The following ANKRD36C variants were observed in gnomAD, a reference collection of about 807,000 sequenced individuals.
ANKRD36C encodes the protein ankyrin repeat domain 36C, also known as ankyrin repeat domain-containing protein 36C.
Under a neutral mutation model 276.4 loss-of-function variants are expected in ANKRD36C, and 61 were observed. The observed-to-expected ratio is 0.22, with a 90% CI of 0.18 to 0.27. ANKRD36C has a LOEUF of 0.27. ANKRD36C is among the 10% of genes least tolerant of loss of function. ANKRD36C has a pLI of 1.00. For synonymous variants in ANKRD36C, 483 were observed against 680.1 expected, an observed-to-expected ratio of 0.71 and a Z score of 4.51; for missense variants, 1,447 against 2,032.3, an observed-to-expected ratio of 0.71 and a Z score of 5.54.
chr2:95,918,289 T>C (rs1467669844), intron 34 of ANKRD36C, among the ~76,000 whole-genome samples: 2 of 151,570 alleles, frequency 1.3e-5, no homozygotes, highest in Non-Finnish European at 3.0e-5. Context: ...AAAACTAAAA[T>C]AAAACCGTGT....
At chr2:95,896,266 T>C (rs1454523592) in intron 44 of ANKRD36C, among the ~76,000 whole-genome samples, 1 of 149,726 alleles carries the variant, frequency 6.7e-6, no homozygotes, top group Non-Finnish European at 1.5e-5. Context: ...AAGGATAATA[T>C]ATTAGCCTCA....
intron 24 of ANKRD36C, among the ~76,000 whole-genome samples, chr2:95,934,461 G>A (rs1215236868): frequency 1.3e-5 from 2 of 151,872 alleles, no homozygotes; most frequent in South Asian, 2.1e-4. Flanking sequence ...GCAAAGACAC[G>A]GATGAAGCCT....
chr2:95,963,972 A>AATAAATATATAT (rs1678521503), intron 6 of ANKRD36C, among the ~76,000 whole-genome samples: 3 of 48,992 alleles, frequency 6.1e-5, no homozygotes, highest in Non-Finnish European at 1.1e-4. Context: ...TATATATATA[A>AATAAATATATAT]ATATATATAT....
intron 59 of ANKRD36C, among the ~76,000 whole-genome samples, chr2:95,871,612 T>C (rs1242232636): frequency 6.6e-6 from 1 of 151,506 alleles, no homozygotes; most frequent in African/African-American, 2.4e-5. Flanking sequence ...CATTAACTAA[T>C]GAGCAAAATA....
chr2:95,980,765 A>G (rs1678899168), exon 5 of ANKRD36C: 2 of 1,598,748 alleles, frequency 1.3e-6, no homozygotes, highest in Non-Finnish European at 1.7e-6. Context: ...TCCAAGAGTA[A>G]CAGCATGTAT....
intron 1 of ANKRD36C, among the ~76,000 whole-genome samples, chr2:95,991,104 A>T (rs1420224991): frequency 6.7e-6 from 1 of 148,522 alleles, no homozygotes; most frequent in Non-Finnish European, 1.5e-5. Flanking sequence ...CCCTTTGGTG[A>T]CAGGACTCGC....
At chr2:95,866,062 G>A (rs1360960287) in intron 60 of ANKRD36C, among the ~76,000 whole-genome samples, 2 of 152,142 alleles carry the variant, frequency 1.3e-5, no homozygotes, top group African/African-American at 4.8e-5. Context: ...AACATGTGGT[G>A]TTGGAACAAT....
At chr2:95,893,601 G>C (rs1447780682) in intron 44 of ANKRD36C, 2 of 1,582,696 alleles carry the variant, frequency 1.3e-6, no homozygotes, top group Non-Finnish European at 1.7e-6. Context: ...CTCGTCACCT[G>C]TAGCCTGAAT....
At chr2:95,985,987 C>A (rs575137460) in intron 3 of ANKRD36C, among the ~76,000 whole-genome samples, 12 of 152,184 alleles carry the variant, frequency 7.9e-5, no homozygotes, top group Non-Finnish European at 1.5e-4. Flanking sequence ...CTTCTCTCTG[C>A]TGAACTGTGT....
At chr2:95,910,835 C>T (rs558343421) in intron 42 of ANKRD36C, among the ~76,000 whole-genome samples, 105 of 151,532 alleles carry the variant, frequency 6.9e-4, no homozygotes, top group African/African-American at 1.6e-3. Context: ...TCAATCTCAA[C>T]GTGCATAGGC....
At chr2:95,963,976 T>TAA (rs1291189711) in intron 6 of ANKRD36C, among the ~76,000 whole-genome samples, 58 of 27,582 alleles carry the variant, frequency 2.1e-3, no homozygotes, top group African/African-American at 9.7e-3. Context: ...TATATAAATA[T>TAA]ATATATATAT....
chr2:95,902,431 G>A (rs1327992331), intron 42 of ANKRD36C, among the ~76,000 whole-genome samples: 57 of 148,118 alleles, frequency 3.8e-4, no homozygotes, highest in East Asian at 1.6e-3. Flanking sequence ...CTCACAATCC[G>A]TCTCCCTTAG....
exon 42 of ANKRD36C, chr2:95,912,255 G>A (rs771286571): frequency 5.3e-5 from 82 of 1,550,438 alleles, no homozygotes; most frequent in Admixed American, 9.7e-5. Flanking sequence ...TGTCCTAGAT[G>A]TTTCTCCATC....
At chr2:95,892,717 T>C (rs1318506963) in intron 44 of ANKRD36C, among the ~76,000 whole-genome samples, 2 of 151,446 alleles carry the variant, frequency 1.3e-5, no homozygotes, top group Non-Finnish European at 3.0e-5. Context: ...AATAGCCTTG[T>C]TGGGAGTATC....
At chr2:95,968,372 T>C (rs921324923) in intron 6 of ANKRD36C, among the ~76,000 whole-genome samples, 3 of 152,164 alleles carry the variant, frequency 2.0e-5, no homozygotes, top group African/African-American at 7.2e-5. Context: ...AATTGCAGTA[T>C]AAAATAGTCA....
At chr2:95,946,461 G>A (rs1181292592) in intron 17 of ANKRD36C, among the ~76,000 whole-genome samples, 1 of 142,830 alleles carries the variant, frequency 7.0e-6, no homozygotes. Context: ...CTGTTGGTGG[G>A]ACTGTAAACT....
chr2:95,964,013 ATGTGTG>A (rs373586908), intron 6 of ANKRD36C, among the ~76,000 whole-genome samples: 994 of 19,912 alleles, frequency 0.05, 28 homozygotes, highest in African/African-American at 0.096. Flanking sequence ...ATATATATAT[ATGTGTG>A]TGTGTGTCAT....
At chr2:95,870,746 C>A (rs530021310) in intron 59 of ANKRD36C, among the ~76,000 whole-genome samples, 1 of 151,894 alleles carries the variant, frequency 6.6e-6, no homozygotes, top group African/African-American at 2.4e-5. Context: ...AAACCAAAGG[C>A]GAAGAAGTTA....
chr2:95,893,227 C>T (rs1357335753), intron 44 of ANKRD36C, among the ~76,000 whole-genome samples: 1 of 151,300 alleles, frequency 6.6e-6, no homozygotes, highest in Non-Finnish European at 1.5e-5. Context: ...TCCTTCCACC[C>T]TTACTGAAAA....
Sources: gnomAD v4.1 joint callset for allele counts (sites outside exome capture counted in the v4.1 genomes callset) on GRCh38, gnomAD v4.1.1 for gene constraint, MANE v1.5 for transcripts, NCBI Gene and HGNC (gene_info 2026-07-23, HGNC 2026-07-21) for gene names.